The following FAF1 variants were observed in gnomAD, a reference collection of about 807,000 sequenced individuals.
FAF1 encodes the protein Fas associated factor 1, also known as FAS-associated factor 1.
A neutral mutation model predicts 92.5 loss-of-function variants in FAF1; 25 were observed. The ratio of observed to expected loss-of-function variants is 0.27; its 90% confidence interval spans 0.20 to 0.38. FAF1 has a LOEUF of 0.38. FAF1 is among the 10% of genes least tolerant of loss of function. FAF1 has a pLI of 1.00. For synonymous variants in FAF1, 234 were observed against 273.2 expected (o/e 0.86, Z 1.42); for missense variants, 636 against 793.3 (o/e 0.80, Z 2.38).
At chr1:50,760,987 A>C (rs1660302493) in intron 4 of FAF1, among the ~76,000 whole-genome samples, 1 of 152,224 alleles carries the variant, frequency 6.6e-6, no homozygotes, top group Non-Finnish European at 1.5e-5. Flanking sequence ...TAAATGCAAT[A>C]AAAAATGATA....
intron 8 of FAF1, among the ~76,000 whole-genome samples, chr1:50,609,515 G>C (rs1325636316): frequency 1.3e-5 from 2 of 152,134 alleles, no homozygotes; most frequent in African/African-American, 4.8e-5. Flanking sequence ...CTCCTGAGCA[G>C]CTGATACTAC....
At chr1:50,502,744 A>ATG (rs1312192349) in intron 15 of FAF1, among the ~76,000 whole-genome samples, 3 of 152,152 alleles carry the variant, frequency 2.0e-5, no homozygotes, top group Non-Finnish European at 4.4e-5. Context: ...TCTTAGGTGT[A>ATG]TGTGTGCATG....
chr1:50,803,772 A>C (rs149414735), intron 2 of FAF1, among the ~76,000 whole-genome samples: 413 of 152,230 alleles, frequency 2.7e-3, no homozygotes, highest in Non-Finnish European at 4.7e-3. Context: ...CTTTCCCAAA[A>C]CCTTAGATTA....
chr1:50,596,041 G>A, intron 9 of FAF1, 80 bp downstream of exon 9: 2 of 867,946 alleles, frequency 2.3e-6, no homozygotes, highest in Non-Finnish European at 3.8e-6. Flanking sequence ...CATTGCTCTG[G>A]CAGATAAAAA....
chr1:50,811,078 T>G (rs565781377), intron 2 of FAF1, among the ~76,000 whole-genome samples: 1 of 152,184 alleles, frequency 6.6e-6, no homozygotes. Flanking sequence ...CTCATGGCTG[T>G]AATTCCAGCA....
chr1:50,742,389 G>T (rs1659423550), intron 5 of FAF1, among the ~76,000 whole-genome samples: 1 of 143,696 alleles, frequency 7.0e-6, no homozygotes, highest in African/African-American at 2.5e-5. Flanking sequence ...TTGGGAGGGG[G>T]GGTGTGGCGG....
chr1:50,483,190 A>G (rs1055227873), intron 17 of FAF1, among the ~76,000 whole-genome samples: 1 of 152,058 alleles, frequency 6.6e-6, no homozygotes, highest in Non-Finnish European at 1.5e-5. Flanking sequence ...GCATTTTAAA[A>G]CTGGTTTTCT....
At chr1:50,863,852 A>G (rs1281832157) in intron 1 of FAF1, among the ~76,000 whole-genome samples, 2 of 152,024 alleles carry the variant, frequency 1.3e-5, no homozygotes, top group Non-Finnish European at 2.9e-5. Flanking sequence ...TTTGGTTGGT[A>G]AGCTACTGAT....
chr1:50,565,495 G>A (rs1358748454), intron 13 of FAF1, among the ~76,000 whole-genome samples: 1 of 152,028 alleles, frequency 6.6e-6, no homozygotes, highest in East Asian at 1.9e-4. Flanking sequence ...CAGCTGTACT[G>A]GCTCTTTCTA....
intron 2 of FAF1, among the ~76,000 whole-genome samples, chr1:50,826,861 A>G (rs1022486937): frequency 1.3e-5 from 2 of 152,182 alleles, no homozygotes; most frequent in African/African-American, 4.8e-5. Context: ...CCTTCTCACA[A>G]AAAAATTCCA....
intron 4 of FAF1, among the ~76,000 whole-genome samples, chr1:50,776,772 T>C (rs1660979403): frequency 6.6e-6 from 1 of 152,142 alleles, no homozygotes; most frequent in Non-Finnish European, 1.5e-5. Context: ...ATATTTGTCA[T>C]TAAACTAAGA....
chr1:50,678,072 T>C (rs1656214608), intron 7 of FAF1, among the ~76,000 whole-genome samples: 1 of 152,176 alleles, frequency 6.6e-6, no homozygotes, highest in Non-Finnish European at 1.5e-5. Context: ...CCATATATGC[T>C]TGGCACTGAC....
At chr1:50,556,335 T>G (rs969512864) in intron 13 of FAF1, among the ~76,000 whole-genome samples, 2 of 150,706 alleles carry the variant, frequency 1.3e-5, no homozygotes, top group African/African-American at 4.9e-5. Context: ...AAGCTAACTA[T>G]GGTTATGCAG....
At chr1:50,929,457 C>A (rs1645032158) in intron 1 of FAF1, among the ~76,000 whole-genome samples, 1 of 152,052 alleles carries the variant, frequency 6.6e-6, no homozygotes, top group Non-Finnish European at 1.5e-5. Flanking sequence ...GTATTCAGAT[C>A]CCTTCAAAAA....
chr1:50,835,570 C>CAAAAAAAA (rs573942977), intron 2 of FAF1, among the ~76,000 whole-genome samples: 3 of 54,892 alleles, frequency 5.5e-5, no homozygotes, highest in Non-Finnish European at 7.8e-5. Context: ...GACTCCATCT[C>CAAAAAAAA]AAAAAAAAAA....
chr1:50,608,656 CT>C (rs760880610), intron 8 of FAF1, among the ~76,000 whole-genome samples: 6 of 152,188 alleles, frequency 3.9e-5, no homozygotes, highest in African/African-American at 7.2e-5. Flanking sequence ...ATGTCTCCCC[CT>C]ATCTCTCAAA....
At chr1:50,950,800 G>A (rs1645208210) in intron 1 of FAF1, among the ~76,000 whole-genome samples, 1 of 152,190 alleles carries the variant, frequency 6.6e-6, no homozygotes, top group Non-Finnish European at 1.5e-5. Flanking sequence ...CTACATGACA[G>A]CCAAGCACTG....
At chr1:50,728,608 T>C (rs540430362) in intron 6 of FAF1, among the ~76,000 whole-genome samples, 4 of 151,886 alleles carry the variant, frequency 2.6e-5, no homozygotes, top group African/African-American at 7.2e-5. Flanking sequence ...CTAGCCAACA[T>C]AGTGAAACCC....
At chr1:50,757,540 T>A (rs979131823) in intron 4 of FAF1, among the ~76,000 whole-genome samples, 2 of 152,212 alleles carry the variant, frequency 1.3e-5, no homozygotes, top group Non-Finnish European at 2.9e-5. Context: ...GTCCAGAGTC[T>A]AGCTCATCCC....
Sources: allele counts gnomAD v4.1 joint callset (sites outside exome capture counted in the v4.1 genomes callset), GRCh38; gene constraint gnomAD v4.1.1; transcripts MANE v1.5; gene names NCBI Gene and HGNC (gene_info 2026-07-23, HGNC 2026-07-21).